FAM228B: variants seen among roughly 807,000 people sequenced by gnomAD.
The protein encoded by FAM228B is protein FAM228B.
Under a neutral mutation model 42.6 loss-of-function variants are expected in FAM228B, and 38 were observed. The ratio of observed to expected loss-of-function variants is 0.89; its 90% confidence interval spans 0.69 to 1.17. The LOEUF is 1.17. Among genes scored for constraint, FAM228B ranks in the 50% most tolerant of loss-of-function variants. FAM228B has a pLI of 0.00. For missense variants in FAM228B, 344 were observed against 367.3 expected (o/e 0.94, Z 0.52); for synonymous variants, 109 against 122.3 (o/e 0.89, Z 0.72).
At chr2:24,125,650 T>C (rs1666292076) in intron 2 of FAM228B, among the ~76,000 whole-genome samples, 1 of 151,944 alleles carries the variant, frequency 6.6e-6, no homozygotes, top group Non-Finnish European at 1.5e-5. Flanking sequence ...AACCTCTACC[T>C]CCCGGGTTCA....
chr2:24,167,327 G>A (rs563888787), intron 9 of FAM228B, among the ~76,000 whole-genome samples: 1 of 152,162 alleles, frequency 6.6e-6, no homozygotes, highest in Non-Finnish European at 1.5e-5. Context: ...GACCTAGGGA[G>A]GTCTAGGGGG....
intron 7 of FAM228B, among the ~76,000 whole-genome samples, chr2:24,153,648 G>C (rs1432420480): frequency 6.6e-6 from 1 of 152,188 alleles, no homozygotes; most frequent in Non-Finnish European, 1.5e-5. Flanking sequence ...GCTGCAAGCT[G>C]CACTGCCTGG....
rs138290659 is a variant in FAM228B at position 24,145,765 on chromosome 2, C to T, written c.442-983C>T. Among the ~76,000 whole-genome samples, 778 of 142,986 alleles carry T rather than the reference C, an allele frequency of 5.4e-3. 5 individuals are homozygous for T. Among genetic ancestry groups the T allele is most frequent in the African/African-American group, 0.019 (727 of 38,080 alleles). The allele number at this position is 142,986 out of a possible 152,430, so 93.8% of individuals were successfully genotyped here. On this transcript the variant is annotated intron_variant, in intron 5 of 10. Coordinates refer to ENST00000615575, the MANE Select transcript of FAM228B (RefSeq NM_001145710.2). The stretch of plus-strand genomic sequence containing the variant: ...CTGTCGCCCAAGTGGAGTGCAGTGT[C>T]GCAAGCTCCACCTCCCGGGTTCATG...
chr2:24,155,676 G>A (rs1473618502), intron 7 of FAM228B, among the ~76,000 whole-genome samples: 1 of 150,680 alleles, frequency 6.6e-6, no homozygotes, highest in Non-Finnish European at 1.5e-5. Context: ...GAGCAGCTGG[G>A]ATTACAGGCA....
Position 24,080,801 on chromosome 2 carries a change from G to A in FAM228B, c.-289-75G>A, listed in dbSNP as rs561085987. The A allele has an allele frequency of 5.0e-6, 8 of 1,613,680 alleles. No homozygotes were observed. The Admixed American group carries it at 6.7e-5, about 13-fold the overall frequency. On this transcript the variant is annotated intron_variant, in intron 1 of 10. Transcript: ENST00000613899. This position sits in a 1 kb window ranked among gnomAD's most constrained non-coding sequence, Gnocchi z 4.7. Reference sequence around the variant, plus strand: ...TCATCTCTTAAATTCCTGCTGAACTGTAGAAGCAGTTGTTTACCTTTGGTG... The same window carrying A: ...TCATCTCTTAAATTCCTGCTGAACTATAGAAGCAGTTGTTTACCTTTGGTG...
At chr2:24,113,325 C>T (rs12474290) in intron 3 of FAM228B, among the ~76,000 whole-genome samples, 18,119 of 152,216 alleles carry the variant, frequency 0.12, 1,258 homozygotes, top group South Asian at 0.18. Flanking sequence ...GTAATCTCAG[C>T]ACTTTGGGAG....
intron 3 of FAM228B, among the ~76,000 whole-genome samples, chr2:24,106,137 G>C (rs1665693152): frequency 6.6e-6 from 1 of 151,936 alleles, no homozygotes; most frequent in African/African-American, 2.4e-5. Context: ...TATTACTCAA[G>C]ACCATCCCCA....
At chr2:24,166,787 G>A (rs974416527) in intron 9 of FAM228B, among the ~76,000 whole-genome samples, 1 of 152,146 alleles carries the variant, frequency 6.6e-6, no homozygotes, top group African/African-American at 2.4e-5. Flanking sequence ...CTGAGATGAC[G>A]TTTGTGCAGC....
Position 24,084,672 on chromosome 2 carries a change from C to G in FAM228B, c.-210+3717C>G, listed in dbSNP as rs774528510. ...AAGAGGATCAGGCAAATCACACTCCCTCTGAGTTGGAAGCCCCCAGCCCGA... is the reference window on the plus strand; with the variant it reads ...AAGAGGATCAGGCAAATCACACTCCGTCTGAGTTGGAAGCCCCCAGCCCGA... On this transcript the variant is annotated intron_variant, in intron 2 of 10. Coordinates refer to the FAM228B transcript ENST00000613899. The surrounding 1 kb of genome is among the most constrained non-coding windows in gnomAD (Gnocchi z 8.4). The G allele has an allele frequency of 1.9e-5, 4 of 210,502 alleles. No individual in the cohort carries two copies. Among genetic ancestry groups the G allele is most frequent in the Admixed American group, 5.9e-5 (1 of 16,808 alleles). 13.0% of individuals were successfully genotyped at this position (210,502 alleles called of 1,614,324 possible).
At chr2:24,109,862 G>C (rs1200565023) in intron 3 of FAM228B, among the ~76,000 whole-genome samples, 1 of 152,194 alleles carries the variant, frequency 6.6e-6, no homozygotes, top group Non-Finnish European at 1.5e-5. Context: ...AGCCATTGTA[G>C]AAATAAGTGT....
intron 3 of FAM228B, among the ~76,000 whole-genome samples, chr2:24,103,196 A>C (rs889681616): frequency 6.6e-6 from 1 of 152,220 alleles, no homozygotes; most frequent in Non-Finnish European, 1.5e-5. Context: ...AGCCAGGCTC[A>C]AAGGCTCAAA....
chr2:24,127,111 C>T (rs1308100194), intron 2 of FAM228B, among the ~76,000 whole-genome samples: 2 of 152,158 alleles, frequency 1.3e-5, no homozygotes, highest in East Asian at 1.9e-4. Context: ...CCCCATTCCC[C>T]TCCCTCTCTG....
At chr2:24,149,667 A>G (rs1666980373) in intron 7 of FAM228B, among the ~76,000 whole-genome samples, 1 of 152,118 alleles carries the variant, frequency 6.6e-6, no homozygotes, top group Non-Finnish European at 1.5e-5. Context: ...TCCTGATCTC[A>G]GGTGATCCAC....
intron 3 of FAM228B, among the ~76,000 whole-genome samples, chr2:24,110,795 A>G (rs1251781162): frequency 6.6e-6 from 1 of 152,166 alleles, no homozygotes; most frequent in Non-Finnish European, 1.5e-5. Context: ...CAGGTCAGAC[A>G]GAAGTGTGGG....
chr2:24,165,452 C>G (rs1667382235), intron 9 of FAM228B: 1 of 471,034 alleles, frequency 2.1e-6, no homozygotes, highest in East Asian at 6.9e-5. Flanking sequence ...CTGTCAGTCC[C>G]CTACGTGATC....
upstream of FAM228B, among the ~76,000 whole-genome samples, chr2:24,118,647 AATG>A (rs1426652143): frequency 6.6e-6 from 1 of 152,220 alleles, no homozygotes; most frequent in Admixed American, 6.5e-5. Flanking sequence ...TTGGTTCTTT[AATG>A]ATGATTAGGA....
intron 10 of FAM228B, chr2:24,167,918 T>A: frequency 2.3e-6 from 1 of 438,670 alleles, no homozygotes; most frequent in East Asian, 3.9e-5. Flanking sequence ...TTCCAAGTGA[T>A]CTTCAGAGAA....
chr2:24,125,859 A>T (rs1666297813), intron 2 of FAM228B, among the ~76,000 whole-genome samples: 3 of 152,204 alleles, frequency 2.0e-5, no homozygotes, highest in Admixed American at 2.0e-4. Context: ...CACTGCGCCC[A>T]GCCTGCTTTG....
In FAM228B at chr2:24,077,766, G is replaced by C. The variant is rs1664821077; in HGVS notation, c.-290+797G>C. 1.2e-6 allele frequency: 2 copies of C among 1,611,492 alleles called. No individual in the cohort carries two copies. The highest frequency in any genetic ancestry group is 2.2e-5 in the South Asian group (2 of 90,778). On this transcript the variant is annotated intron_variant, in intron 1 of 10. Transcript: ENST00000613899. The surrounding 1 kb of genome is among the most constrained non-coding windows in gnomAD (Gnocchi z 5.5). ...ATTCACCAGCATTTGCTTGTACTAA[G>C]ACAAGGGAAAGGAGATCATCAGCCT...
Sources: gnomAD v4.1 joint callset for allele counts (sites outside exome capture counted in the v4.1 genomes callset) on GRCh38, gnomAD v4.1.1 for gene constraint, Gnocchi (gnomAD v3.1) non-coding constraint, MANE v1.5 for transcripts, NCBI Gene and HGNC (gene_info 2026-07-23, HGNC 2026-07-21) for gene names.